Variants in SFRP2 observed in about 807,000 individuals in gnomAD.
SFRP2 encodes the protein secreted frizzled-related protein 2.
Under a neutral mutation model 26.0 loss-of-function variants are expected in SFRP2, and 16 were observed. That is an observed-to-expected ratio of 0.61 (90% CI 0.42 to 0.93). SFRP2 has a LOEUF of 0.93. Among genes scored for constraint, SFRP2 ranks in the 40% least tolerant of loss-of-function variants. SFRP2 has a pLI of 0.00. For synonymous variants in SFRP2, 173 were observed against 167.3 expected (o/e 1.03, Z -0.26); for missense variants, 343 against 392.4 (o/e 0.87, Z 1.06).
chr4:153,788,394 C>G lies in SFRP2; in HGVS notation c.442G>C (p.Asp148His). The change falls in exon 1 of 3, where the codon GAC (aspartate) becomes CAC (histidine). Residue 148 changes from aspartate to histidine, a missense_variant. Asp to His is a moderately conservative substitution (Grantham distance 81, BLOSUM62 -1). This residue lies in a region of SFRP2 where 251 missense variants were observed against 253.3 expected (regional missense o/e 0.99). Transcript: ENST00000274063. ...GCGAGGGGGATGCAAAGGTCGTTGT[C>G]CTGGGGGAAACGGTCGCACTCAAGC... ...DMLECDRFPQ[D>H]NDLCIPLASS... 6.2e-7 allele frequency: 1 copy of G among 1,613,830 alleles called. No individual in the cohort carries two copies. The highest frequency in any genetic ancestry group is 8.5e-7 in the Non-Finnish European group (1 of 1,180,016).
In SFRP2 at chr4:153,788,787, A is replaced by T; in HGVS notation, c.49T>A (p.Cys17Ser). The change falls in exon 1 of 3, where the codon TGC becomes AGC. Residue 17 changes from cysteine to serine, a missense_variant. By Grantham distance (112) the Cys-to-Ser change is moderately radical (BLOSUM62 -1). Around this residue, in one of 2 missense-constraint regions of SFRP2, gnomAD observed 251 missense variants for 253.3 expected, o/e 0.99. Coordinates refer to ENST00000274063, the MANE Select transcript of SFRP2 (RefSeq NM_003013.3). ...AGCCCGCGCGCCGAGCCCAGGCAGC[A>T]GTGCGAGGCGAGGAAGAGCAGCAGC... Reference protein sequence around the residue: ...SLLLLFLASHCCLGSARGLFL... With the variant: ...SLLLLFLASHSCLGSARGLFL... 1 of 1,608,496 alleles carries T rather than the reference A, an allele frequency of 6.2e-7. No individual in the cohort carries two copies. Among genetic ancestry groups the T allele is most frequent in the South Asian group, 1.1e-5 (1 of 91,044 alleles).
intron 1 of SFRP2, among the ~76,000 whole-genome samples, chr4:153,786,522 T>C (rs973597399): frequency 1.3e-5 from 2 of 152,168 alleles, no homozygotes; most frequent in Non-Finnish European, 2.9e-5. Flanking sequence ...GCGTTCCACA[T>C]GTGGGCTGTT....
chr4:153,787,665 GA>G (rs1741232649), intron 1 of SFRP2, among the ~76,000 whole-genome samples: 1 of 152,246 alleles, frequency 6.6e-6, no homozygotes, highest in African/African-American at 2.4e-5. Flanking sequence ...GATAGCAATA[GA>G]AAAGTGATTT....
rs771814142 is a variant in SFRP2, at chr4:153,781,467, C to A, written c.872G>T (p.Arg291Leu). 9.3e-6 allele frequency: 15 copies of A among 1,612,590 alleles called. No homozygotes were observed. In the African/African-American group the frequency reaches 9.3e-5, roughly 10 times the overall value. The change falls in exon 3 of 3, where the codon CGC becomes CTC. Residue 291 changes from arginine to leucine, a missense_variant. Coordinates refer to ENST00000274063, the MANE Select transcript of SFRP2 (RefSeq NM_003013.3). ...REFKRISRSI[R>L]KLQC Reference sequence around the variant, plus strand: ...ATGCCGGGACTAGCACTGCAGCTTGCGGATGCTGCGGGAGATGCGCTTGAA... The same window carrying A: ...ATGCCGGGACTAGCACTGCAGCTTGAGGATGCTGCGGGAGATGCGCTTGAA...
rs1741106736 is a variant in SFRP2, at chr4:153,780,825, C to G, written c.*626G>C. 1 of 152,594 alleles carries G rather than the reference C, an allele frequency of 6.6e-6. No individual in the cohort carries two copies. Among genetic ancestry groups the G allele is most frequent in the Non-Finnish European group, 1.5e-5 (1 of 68,044 alleles). 9.5% of individuals were successfully genotyped at this position (152,594 alleles called of 1,614,324 possible). A position where few individuals can be genotyped will look rare whatever the true frequency, so the allele number is the denominator to read the frequency against. On this transcript the variant is annotated 3_prime_UTR_variant, in exon 3 of 3. Coordinates refer to ENST00000274063, the MANE Select transcript of SFRP2 (RefSeq NM_003013.3). ...TCTTTTGCCTTTTACTTGAAGAAAT[C>G]ATGCTATAGAAATGGTTAATGTGCT...
chr4:153,784,671 G>A (rs1003833965), intron 2 of SFRP2, among the ~76,000 whole-genome samples: 12 of 152,194 alleles, frequency 7.9e-5, no homozygotes, highest in Admixed American at 5.9e-4. Flanking sequence ...GAGAGTGAGA[G>A]CTGGAGTGAT....
intron 2 of SFRP2, among the ~76,000 whole-genome samples, chr4:153,785,410 G>A (rs774525604): frequency 6.6e-6 from 1 of 151,852 alleles, no homozygotes; most frequent in Non-Finnish European, 1.5e-5. Context: ...ATCATTATGG[G>A]TTATAAAGAA....
intron 2 of SFRP2, among the ~76,000 whole-genome samples, chr4:153,784,000 C>T (rs1281253101): frequency 6.6e-6 from 1 of 152,174 alleles, no homozygotes; most frequent in Non-Finnish European, 1.5e-5. Context: ...GGCACACAGG[C>T]ATCCATGTTT....
Position 153,781,494 on chromosome 4 carries a change from T to C in SFRP2, c.845A>G (p.Glu282Gly). 6.2e-6 allele frequency: 10 copies of C among 1,614,050 alleles called. No homozygotes were observed. The highest frequency in any genetic ancestry group is 1.3e-5 in the African/African-American group (1 of 75,026). ...GATGCTGCGGGAGATGCGCTTGAAC[T>C]CTCTCTGCCCCTTCTGCCACCGCTT... Reference protein sequence around the residue: ...SVKRWQKGQREFKRISRSIRK... With the variant: ...SVKRWQKGQRGFKRISRSIRK... The change falls in exon 3 of 3, where the codon GAG becomes GGG. Residue 282 changes from glutamate to glycine, a missense_variant. Glu to Gly is a moderately conservative substitution (Grantham distance 98, BLOSUM62 -2). This residue lies in a region of SFRP2 where 92 missense variants were observed against 139.0 expected (regional missense o/e 0.66). Coordinates refer to ENST00000274063, the MANE Select transcript of SFRP2 (RefSeq NM_003013.3).
rs976032822 is a variant in SFRP2, at chr4:153,781,394, C to G, written c.*57G>C. ...GGGAACGGGAGCTGAGATCCCGGAG[C>G]AGAAATGGTCAGCCGTGCTCTGGAG... is the stretch of plus-strand genomic sequence containing the variant. On this transcript the variant is annotated 3_prime_UTR_variant, in exon 3 of 3. Coordinates refer to ENST00000274063, the MANE Select transcript of SFRP2 (RefSeq NM_003013.3). The G allele has an allele frequency of 1.3e-5, 19 of 1,497,282 alleles. No individual in the cohort carries two copies. In the African/African-American group the frequency reaches 1.6e-4, roughly 13 times the overall value. 92.7% of individuals were successfully genotyped at this position (1,497,282 alleles called of 1,614,324 possible). A position where few individuals can be genotyped will look rare whatever the true frequency, so the allele number is the denominator to read the frequency against.
Position 153,788,630 on chromosome 4 carries a change from A to G in SFRP2, c.206T>C (p.Met69Thr), listed in dbSNP as rs752091964. ...GCCGGCCTGCTCCAGCACCTCCTTCATGGTCTCGTGGCCCAGCAGGTTGGG... is the reference window on the plus strand; with the variant it reads ...GCCGGCCTGCTCCAGCACCTCCTTCGTGGTCTCGTGGCCCAGCAGGTTGGG... ...RLPNLLGHETMKEVLEQAGAW... is the reference protein window; with the variant it reads ...RLPNLLGHETTKEVLEQAGAW... Residue 69 changes from methionine (M) to threonine (T), a missense_variant, in exon 1 of 3, where the codon ATG (methionine) becomes ACG (threonine). Met to Thr is a moderately conservative substitution (Grantham distance 81, BLOSUM62 -1). Transcript: ENST00000274063. 1.2e-6 allele frequency: 2 copies of G among 1,614,112 alleles called. No individual in the cohort carries two copies. The highest frequency in any genetic ancestry group is 1.7e-5 in the Admixed American group (1 of 60,028).
Position 153,781,759 on chromosome 4 carries a change from T to A in SFRP2, c.584-4A>T, listed in dbSNP as rs78004612. ...TCCTTCACTTTTATTTTCAGTGCTA[T>A]GAGGGAGGGCAGAAAGAGTCATGCC... On this transcript the variant is annotated splice_region_variant and splice_polypyrimidine_tract_variant and intron_variant, in intron 2 of 2. Transcript: ENST00000274063. 2,453 of 1,611,584 alleles carry A rather than the reference T, an allele frequency of 1.5e-3. 32 individuals carry two copies. In the African/African-American group the frequency reaches 0.029, roughly 19 times the overall value.
Position 153,781,328 on chromosome 4 carries a change from A to C in SFRP2, c.*123T>G. Reference sequence around the variant, plus strand: ...TGCAAACGTGCAAAAGGCAGGGGGAAGCTGCCCAGGCTGAGACTGGAGCAG... The same window carrying C: ...TGCAAACGTGCAAAAGGCAGGGGGACGCTGCCCAGGCTGAGACTGGAGCAG... On this transcript the variant is annotated 3_prime_UTR_variant, in exon 3 of 3. Coordinates refer to ENST00000274063, the MANE Select transcript of SFRP2 (RefSeq NM_003013.3). 2 of 861,258 alleles carry C rather than the reference A, an allele frequency of 2.3e-6. No homozygotes were observed. The highest frequency in any genetic ancestry group is 3.6e-6 in the Non-Finnish European group (2 of 556,798). 53.4% of individuals were successfully genotyped at this position (861,258 alleles called of 1,614,324 possible).
chr4:153,785,201 G>A (rs1741183144), intron 2 of SFRP2, among the ~76,000 whole-genome samples: 2 of 151,796 alleles, frequency 1.3e-5, no homozygotes, highest in Non-Finnish European at 2.9e-5. Flanking sequence ...TGGCAAATGT[G>A]TCTAGACTTA....
intron 1 of SFRP2, among the ~76,000 whole-genome samples, chr4:153,787,757 A>G (rs1741234520): frequency 6.6e-6 from 1 of 152,264 alleles, no homozygotes; most frequent in Non-Finnish European, 1.5e-5. Context: ...ACTCCGTGCC[A>G]GTCCCGGTTT....
At position 153,781,595 on chromosome 4, in the gene SFRP2, C is replaced by T; in HGVS notation, c.744G>A (p.Glu248=). ...WLKDSLQCTC[E]EMNDINAPYL... ...AGGGCGCGTTGATGTCGTTCATCTCCTCACAGGTGCACTGCAAGCTGTCTT... is the reference window on the plus strand; with the variant it reads ...AGGGCGCGTTGATGTCGTTCATCTCTTCACAGGTGCACTGCAAGCTGTCTT... Residue 248 remains glutamate, a synonymous_variant, in exon 3 of 3, where the codon GAG becomes GAA. Transcript: ENST00000274063. The T allele has an allele frequency of 6.2e-7, 1 of 1,614,230 alleles. No homozygotes were observed. Among genetic ancestry groups the T allele is most frequent in the Non-Finnish European group, 8.5e-7 (1 of 1,180,042 alleles).
chr4:153,782,730 A>T (rs558101652), intron 2 of SFRP2, among the ~76,000 whole-genome samples: 1 of 152,348 alleles, frequency 6.6e-6, no homozygotes, highest in South Asian at 2.1e-4. Context: ...GTTGTTTGCT[A>T]GAACTCCAGT....
At position 153,781,166 on chromosome 4, in the gene SFRP2, T is replaced by G; in HGVS notation, c.*285A>C. The G allele has an allele frequency of 2.4e-6, 1 of 408,396 alleles. No homozygotes were observed. The highest frequency in any genetic ancestry group is 4.3e-5 in the South Asian group (1 of 23,166). The allele number at this position is 408,396 out of a possible 1,614,324, so 25.3% of individuals were successfully genotyped here. ...CACCTATTCAAAACTAGCTTTAAAGTGAGCTATTTTTAAACTTCATAAAAA... is the reference window on the plus strand; with the variant it reads ...CACCTATTCAAAACTAGCTTTAAAGGGAGCTATTTTTAAACTTCATAAAAA... On this transcript the variant is annotated 3_prime_UTR_variant, in exon 3 of 3. Coordinates refer to ENST00000274063, the MANE Select transcript of SFRP2 (RefSeq NM_003013.3).
chr4:153,785,604 A>G (rs1252002342), intron 2 of SFRP2, among the ~76,000 whole-genome samples: 1 of 149,718 alleles, frequency 6.7e-6, no homozygotes, highest in African/African-American at 2.4e-5. Context: ...CTGGAAATTG[A>G]TAATCTGAAT....
Sources: gnomAD v4.1 joint callset for allele counts (sites outside exome capture counted in the v4.1 genomes callset) on GRCh38, gnomAD v4.1.1 for gene constraint, gnomAD v4.1.1 regional missense constraint, MANE v1.5 for transcripts, NCBI Gene and HGNC (gene_info 2026-07-23, HGNC 2026-07-21) for gene names.